The following PPM1H variants were observed in gnomAD, a reference collection of about 807,000 sequenced individuals.
PPM1H encodes the protein protein phosphatase 1H.
In PPM1H, 27 loss-of-function variants were observed where a neutral mutation model predicts 54.9. The observed-to-expected ratio is 0.49, with a 90% CI of 0.36 to 0.68. The LOEUF (loss-of-function observed/expected upper bound fraction) is 0.68, where lower values mean the gene tolerates loss of function less well. Among genes scored for constraint, PPM1H ranks in the 30% least tolerant of loss-of-function variants. The probability of loss-of-function intolerance (pLI) is 0.00; values close to 1 mark genes in which losing one functional copy is unlikely to be tolerated. For synonymous variants in PPM1H, 305 were observed against 270.8 expected, an observed-to-expected ratio of 1.13 and a Z score of -1.24; for missense variants, 596 against 667.8, an observed-to-expected ratio of 0.89 and a Z score of 1.19.
At chr12:62,923,949 C>G (rs77581294) in intron 1 of PPM1H, among the ~76,000 whole-genome samples, 2 of 151,248 alleles carry the variant, frequency 1.3e-5, no homozygotes, top group African/African-American at 4.9e-5. Flanking sequence ...TTTCATAAAA[C>G]TATTTGATTT....
chr12:62,787,466 T>C (rs2076679657), intron 4 of PPM1H, among the ~76,000 whole-genome samples: 1 of 152,308 alleles, frequency 6.6e-6, no homozygotes, highest in South Asian at 2.1e-4. Flanking sequence ...AGAATATTTG[T>C]TGCAAAATCT....
intron 1 of PPM1H, among the ~76,000 whole-genome samples, chr12:62,912,123 AGTG>A (rs1014786013): frequency 6.6e-6 from 1 of 152,220 alleles, no homozygotes; most frequent in African/African-American, 2.4e-5. Flanking sequence ...AACGCAAAAA[AGTG>A]GTGATTATAT....
intron 2 of PPM1H, among the ~76,000 whole-genome samples, chr12:62,811,062 G>A (rs1035580257): frequency 7.9e-5 from 12 of 152,180 alleles, no homozygotes; most frequent in Admixed American, 5.2e-4. Flanking sequence ...ATGGCATCAC[G>A]TGAGTGGATA....
At chr12:62,677,851 C>T (rs1163152220) in intron 8 of PPM1H, among the ~76,000 whole-genome samples, 2 of 152,236 alleles carry the variant, frequency 1.3e-5, no homozygotes, top group African/African-American at 4.8e-5. Context: ...GGATCACTTA[C>T]TTCAGAATTA....
intron 1 of PPM1H, among the ~76,000 whole-genome samples, chr12:62,855,225 A>G (rs913867287): frequency 6.6e-6 from 1 of 152,188 alleles, no homozygotes; most frequent in African/African-American, 2.4e-5. Context: ...CTGGCAAACC[A>G]TGATGTTGGT....
intron 9 of PPM1H, among the ~76,000 whole-genome samples, chr12:62,659,957 T>A (rs1049933765): frequency 6.6e-6 from 1 of 152,132 alleles, no homozygotes; most frequent in Non-Finnish European, 1.5e-5. Context: ...AACTCTCCAC[T>A]GAAAATTAAA....
chr12:62,910,566 T>C (rs183545926), intron 1 of PPM1H, among the ~76,000 whole-genome samples: 2 of 152,344 alleles, frequency 1.3e-5, no homozygotes, highest in Admixed American at 1.3e-4. Flanking sequence ...ATCTGATGCC[T>C]GTGATGACAA....
At chr12:62,913,370 G>C (rs1024923113) in intron 1 of PPM1H, among the ~76,000 whole-genome samples, 2 of 152,136 alleles carry the variant, frequency 1.3e-5, no homozygotes, top group African/African-American at 4.8e-5. Context: ...GTGACCATCT[G>C]CACCTAGAAG....
intron 1 of PPM1H, among the ~76,000 whole-genome samples, chr12:62,837,818 T>C (rs906533061): frequency 2.0e-5 from 3 of 152,212 alleles, no homozygotes. Context: ...TATCCAGCCA[T>C]GCGAGTTAGA....
At chr12:62,651,961 T>G (rs758886204) in intron 9 of PPM1H, among the ~76,000 whole-genome samples, 2 of 152,210 alleles carry the variant, frequency 1.3e-5, no homozygotes, top group African/African-American at 2.4e-5. Flanking sequence ...TGGGCTTCCA[T>G]GACACACAGC....
intron 2 of PPM1H, among the ~76,000 whole-genome samples, chr12:62,813,170 T>C (rs183903135): frequency 6.6e-6 from 1 of 152,202 alleles, no homozygotes; most frequent in Non-Finnish European, 1.5e-5. Flanking sequence ...TACCCAGATG[T>C]AGGAGAGGAA....
intron 2 of PPM1H, among the ~76,000 whole-genome samples, chr12:62,804,681 T>C (rs1214104201): frequency 4.9e-5 from 7 of 142,530 alleles, no homozygotes; most frequent in South Asian, 2.3e-4. Context: ...TTTTTCTTTT[T>C]TTTTTTTTTT....
chr12:62,764,470 C>G (rs941838770), intron 4 of PPM1H, among the ~76,000 whole-genome samples: 5 of 152,198 alleles, frequency 3.3e-5, no homozygotes, highest in African/African-American at 1.2e-4. Context: ...TCCAAAGGAT[C>G]TTGACATTTT....
At chr12:62,727,667 T>TTAC (rs917776819) in intron 5 of PPM1H, among the ~76,000 whole-genome samples, 1 of 147,920 alleles carries the variant, frequency 6.8e-6, no homozygotes, top group African/African-American at 2.5e-5. Context: ...ATTATTATTA[T>TTAC]TATTATTATT....
intron 6 of PPM1H, among the ~76,000 whole-genome samples, chr12:62,712,395 T>C (rs918843769): frequency 2.6e-5 from 4 of 152,200 alleles, no homozygotes; most frequent in Admixed American, 2.0e-4. Flanking sequence ...CAGGTTTCAC[T>C]AGGGAAAGGC....
chr12:62,683,418 A>G (rs2076034278), intron 8 of PPM1H, among the ~76,000 whole-genome samples: 1 of 152,146 alleles, frequency 6.6e-6, no homozygotes, highest in South Asian at 2.1e-4. Context: ...AGGAAGAGAA[A>G]AGACAGGCTG....
chr12:62,735,683 A>C (rs1362854043), intron 5 of PPM1H, among the ~76,000 whole-genome samples: 1 of 152,222 alleles, frequency 6.6e-6, no homozygotes, highest in African/African-American at 2.4e-5. Context: ...CCATATGCTG[A>C]GAGCCACACT....
chr12:62,710,421 A>C (rs1321959976), intron 6 of PPM1H, among the ~76,000 whole-genome samples: 1 of 151,606 alleles, frequency 6.6e-6, no homozygotes, highest in East Asian at 2.0e-4. Flanking sequence ...AATCCCAGCT[A>C]CTCAGGAGGC....
At chr12:62,909,152 C>T (rs185875475) in intron 1 of PPM1H, among the ~76,000 whole-genome samples, 33 of 152,310 alleles carry the variant, frequency 2.2e-4, no homozygotes, top group Non-Finnish European at 3.8e-4. Flanking sequence ...GTCATCTTTC[C>T]TTTCAAACTA....
Sources: allele counts gnomAD v4.1 joint callset (sites outside exome capture counted in the v4.1 genomes callset), GRCh38; gene constraint gnomAD v4.1.1; transcripts MANE v1.5; gene names NCBI Gene and HGNC (gene_info 2026-07-23, HGNC 2026-07-21).